Variants in RIC3 observed in about 807,000 individuals in gnomAD.
RIC3 encodes RIC3 acetylcholine receptor chaperone.
A neutral mutation model predicts 27.3 loss-of-function variants in RIC3; 28 were observed. The observed-to-expected ratio is 1.02, with a 90% confidence interval of 0.76 to 1.41. RIC3 has a LOEUF of 1.41. Ranked by LOEUF, RIC3 falls within the 40% of genes most tolerant of loss-of-function variation. RIC3 has a pLI of 0.00. For synonymous variants in RIC3, 184 were observed against 160.4 expected (o/e 1.15, Z -1.11); for missense variants, 501 against 444.7 (o/e 1.13, Z -1.14).
intron 1 of RIC3, among the ~76,000 whole-genome samples, chr11:8,167,664 C>T (rs1304746970): frequency 7.0e-6 from 1 of 143,756 alleles, no homozygotes; most frequent in Admixed American, 7.0e-5. Flanking sequence ...AAAAAGTTTT[C>T]GAAGAATCTT....
intron 4 of RIC3, among the ~76,000 whole-genome samples, chr11:8,132,926 G>A (rs937108595): frequency 6.6e-6 from 1 of 152,174 alleles, no homozygotes; most frequent in East Asian, 1.9e-4. Flanking sequence ...GACACAAACT[G>A]TAAGTATAAA....
chr11:8,159,577 A>C (rs1272764813), intron 1 of RIC3, among the ~76,000 whole-genome samples: 2 of 152,212 alleles, frequency 1.3e-5, no homozygotes, highest in Non-Finnish European at 2.9e-5. Context: ...GGAATAGAGC[A>C]ACCAAATAAC....
rs1456438178 is a variant in RIC3, at chr11:8,143,011, A to C, written c.125-2818T>G. Reference sequence around the variant, plus strand: ...GCTAAAAACTCTCAATAAATTAGGTATTGATGGGACGTATTTCAAAATAAT... The same window carrying C: ...GCTAAAAACTCTCAATAAATTAGGTCTTGATGGGACGTATTTCAAAATAAT... On this transcript the variant is annotated intron_variant, in intron 1 of 5. Coordinates refer to ENST00000309737, the MANE Select transcript of RIC3 (RefSeq NM_001206671.4). 4.8e-5 allele frequency among the ~76,000 whole-genome samples: 5 copies of C among 105,128 alleles called. 2 individuals carry two copies. Among genetic ancestry groups the C allele is most frequent in the Non-Finnish European group, 5.2e-5 (3 of 57,600 alleles). The allele number at this position is 105,128 out of a possible 152,430, so 69.0% of individuals were successfully genotyped here. A position where few individuals can be genotyped will look rare whatever the true frequency, so the allele number is the denominator to read the frequency against.
chr11:8,127,702 T>C (rs958777290), intron 4 of RIC3, among the ~76,000 whole-genome samples: 4 of 152,202 alleles, frequency 2.6e-5, no homozygotes, highest in African/African-American at 9.6e-5. Flanking sequence ...GCAGCAGGAT[T>C]TAATGGAGGC....
downstream of RIC3, chr11:8,101,658 C>T (rs770460278): frequency 1.9e-4 from 308 of 1,607,706 alleles, no homozygotes; most frequent in Non-Finnish European, 2.5e-4. Context: ...CAGCCTGGAG[C>T]GGAGCTTGCC....
In RIC3 at chr11:8,168,880, G is replaced by T; in HGVS notation, c.110C>A (p.Pro37Gln). 6.2e-7 allele frequency: 1 copy of T among 1,610,204 alleles called. No homozygotes were observed. Among genetic ancestry groups the T allele is most frequent in the Non-Finnish European group, 8.5e-7 (1 of 1,178,706 alleles). Residue 37 changes from proline (P) to glutamine (Q), a missense_variant, in exon 1 of 6, where the codon CCG becomes CAG. By Grantham distance (76) the Pro-to-Gln change is moderately conservative (BLOSUM62 -1). Coordinates refer to ENST00000309737, the MANE Select transcript of RIC3 (RefSeq NM_001206671.4). ...CCTGCTCTTACCTTCAGGTGTCGGC[G>T]GCGGCTCCTGCCGCTTCCCGCGGGA... ...FLSRGKRQEP[P>Q]PTPEGKLGRF...
intron 1 of RIC3, among the ~76,000 whole-genome samples, chr11:8,168,454 T>G (rs954938624): frequency 3.3e-5 from 5 of 152,142 alleles, no homozygotes; most frequent in African/African-American, 1.2e-4. Context: ...TTGCCTTGAT[T>G]TCGTACCAAG....
At chr11:8,142,204 C>G in intron 1 of RIC3, among the ~76,000 whole-genome samples, 1 of 134,910 alleles carries the variant, frequency 7.4e-6, no homozygotes, top group South Asian at 2.5e-4. Context: ...AATAGAGACA[C>G]AAAAAACCCT....
intron 1 of RIC3, among the ~76,000 whole-genome samples, chr11:8,163,603 TAAC>T (rs1372043848): frequency 6.6e-6 from 1 of 152,066 alleles, no homozygotes. Context: ...ACAAAATTTA[TAAC>T]AACATCAAAA....
At chr11:8,151,028 C>T (rs182873208) in intron 1 of RIC3, among the ~76,000 whole-genome samples, 287 of 152,278 alleles carry the variant, frequency 1.9e-3, no homozygotes, top group African/African-American at 6.7e-3. Flanking sequence ...AGAGCTGAAA[C>T]TTTAAAATCT....
At chr11:8,152,661 T>C (rs1470635770) in intron 1 of RIC3, among the ~76,000 whole-genome samples, 1 of 152,164 alleles carries the variant, frequency 6.6e-6, no homozygotes, top group Non-Finnish European at 1.5e-5. Context: ...TTGACTGTAG[T>C]GATAGTTGCA....
intron 4 of RIC3, among the ~76,000 whole-genome samples, chr11:8,128,749 A>ATT (rs1947296034): frequency 7.5e-6 from 1 of 133,666 alleles, no homozygotes; most frequent in African/African-American, 2.8e-5. Context: ...AGTTGCAAAA[A>ATT]CTTTTTTTTT....
chr11:8,116,029 T>C (rs931691004), intron 5 of RIC3, among the ~76,000 whole-genome samples: 1 of 152,140 alleles, frequency 6.6e-6, no homozygotes. Flanking sequence ...AAACAGTATG[T>C]TACTGGCATA....
At chr11:8,153,546 A>G (rs1950422568) in intron 1 of RIC3, 3 of 332,852 alleles carry the variant, frequency 9.0e-6, no homozygotes, top group South Asian at 2.5e-5. Flanking sequence ...CTCTTTTTCC[A>G]CTGGTCCTTC....
downstream of RIC3, chr11:8,103,064 G>C (rs1944372915): frequency 6.6e-6 from 1 of 152,254 alleles, no homozygotes; most frequent in African/African-American, 2.4e-5. Flanking sequence ...GTATGATCCA[G>C]GATTGGCCTG....
the RIC3 span, chr11:8,095,756 C>A: frequency 7.3e-7 from 1 of 1,369,170 alleles, no homozygotes; most frequent in Non-Finnish European, 9.9e-7. Context: ...TTCCTGTGTC[C>A]AAACCCCTCC....
At chr11:8,146,725 C>T (rs1445949589) in intron 1 of RIC3, among the ~76,000 whole-genome samples, 2 of 136,504 alleles carry the variant, frequency 1.5e-5, no homozygotes, top group East Asian at 2.6e-4. Flanking sequence ...ATTTGAAAGG[C>T]GGGGCGGGGT....
At chr11:8,140,335 G>A (rs1218495822) in intron 1 of RIC3, 142 bp from the exon 2 acceptor site, 3 of 699,406 alleles carry the variant, frequency 4.3e-6, no homozygotes, top group Non-Finnish European at 7.0e-6. Flanking sequence ...AGGATACAGA[G>A]GTATCACACA....
At chr11:8,100,721 A>G in the RIC3 span, 8 of 1,549,814 alleles carry the variant, frequency 5.2e-6, no homozygotes, top group South Asian at 6.8e-5. Context: ...AAAGCCCTGG[A>G]GGTCTAGGGA....
Sources: gnomAD v4.1 joint callset for allele counts (sites outside exome capture counted in the v4.1 genomes callset) on GRCh38, gnomAD v4.1.1 for gene constraint, MANE v1.5 for transcripts, NCBI Gene and HGNC (gene_info 2026-07-23, HGNC 2026-07-21) for gene names.